The following RELN variants were observed in gnomAD, a reference collection of about 807,000 sequenced individuals.
RELN encodes reelin.
Under a neutral mutation model 427.6 loss-of-function variants are expected in RELN, and 108 were observed. The ratio of observed to expected loss-of-function variants is 0.25; its 90% CI spans 0.22 to 0.30. The LOEUF (loss-of-function observed/expected upper bound fraction) is 0.30. Ranked by LOEUF, RELN falls within the 10% of genes least tolerant of loss-of-function variation. RELN has a pLI of 1.00. For synonymous variants in RELN, 1,524 were observed against 1,513.4 expected, an observed-to-expected ratio of 1.01 and a Z score of -0.16; for missense variants, 3,715 against 4,302.8, an observed-to-expected ratio of 0.86 and a Z score of 3.82.
At chr7:103,906,762 T>C (rs946426828) in intron 2 of RELN, among the ~76,000 whole-genome samples, 1 of 152,186 alleles carries the variant, frequency 6.6e-6, no homozygotes, top group Non-Finnish European at 1.5e-5. Context: ...AAAAACATGA[T>C]ACAGTGGCCT....
intron 11 of RELN, among the ~76,000 whole-genome samples, chr7:103,669,756 T>A (rs890264725): frequency 6.6e-6 from 1 of 152,112 alleles, no homozygotes; most frequent in Non-Finnish European, 1.5e-5. Context: ...CCCAAGGAAA[T>A]GCAGTTCTAT....
At chr7:103,735,399 C>A (rs7797966) in intron 6 of RELN, among the ~76,000 whole-genome samples, 2,511 of 152,082 alleles carry the variant, frequency 0.017, 34 homozygotes, top group South Asian at 0.044. Context: ...TGAAAATATG[C>A]TCAACCACCC....
At chr7:103,790,311 T>C (rs1361981938) in intron 3 of RELN, among the ~76,000 whole-genome samples, 1 of 152,186 alleles carries the variant, frequency 6.6e-6, no homozygotes, top group Non-Finnish European at 1.5e-5. Flanking sequence ...TCTGCACATG[T>C]ATTCCAGAAC....
At chr7:103,528,107 C>G (rs1264976966) in intron 46 of RELN, among the ~76,000 whole-genome samples, 1 of 152,158 alleles carries the variant, frequency 6.6e-6, no homozygotes, top group African/African-American at 2.4e-5. Context: ...AAAACTTGCA[C>G]AGGAATGTCC....
intron 1 of RELN, among the ~76,000 whole-genome samples, chr7:103,941,388 T>C (rs1796111317): frequency 6.6e-6 from 1 of 152,188 alleles, no homozygotes; most frequent in African/African-American, 2.4e-5. Context: ...AAACCATTTC[T>C]TTCCTCTTAA....
intron 2 of RELN, among the ~76,000 whole-genome samples, chr7:103,846,641 A>G (rs942198813): frequency 6.6e-6 from 1 of 152,198 alleles, no homozygotes; most frequent in African/African-American, 2.4e-5. Flanking sequence ...TGAACAGACA[A>G]CCTACAAAGT....
chr7:103,667,571 TC>T (rs1367131364), intron 11 of RELN, among the ~76,000 whole-genome samples: 1 of 152,184 alleles, frequency 6.6e-6, no homozygotes, highest in African/African-American at 2.4e-5. Context: ...AATTTCTTCA[TC>T]CAAAGCTTAT....
chr7:103,727,253 T>C (rs1359233708), intron 7 of RELN, among the ~76,000 whole-genome samples: 2 of 151,898 alleles, frequency 1.3e-5, no homozygotes, highest in Non-Finnish European at 2.9e-5. Flanking sequence ...CTAGAAGCCC[T>C]CTGAAAGGGA....
chr7:103,896,655 T>C (rs369100611), intron 2 of RELN, among the ~76,000 whole-genome samples: 34 of 152,044 alleles, frequency 2.2e-4, no homozygotes, highest in African/African-American at 7.5e-4. Context: ...AGGGTAATGA[T>C]AGGGAAGGGC....
chr7:103,558,342 CT>C (rs1302340745), intron 36 of RELN, among the ~76,000 whole-genome samples: 1 of 152,074 alleles, frequency 6.6e-6, no homozygotes, highest in Non-Finnish European at 1.5e-5. Flanking sequence ...ATCTACAGGC[CT>C]TTTTTAAAAA....
chr7:103,679,081 T>C (rs187710689), intron 11 of RELN, among the ~76,000 whole-genome samples: 8 of 152,340 alleles, frequency 5.3e-5, no homozygotes, highest in Non-Finnish European at 8.8e-5. Flanking sequence ...AATCTGTGAC[T>C]AAAAATTATT....
At chr7:103,899,628 C>T (rs1358851341) in intron 2 of RELN, among the ~76,000 whole-genome samples, 2 of 152,284 alleles carry the variant, frequency 1.3e-5, no homozygotes, top group African/African-American at 4.8e-5. Context: ...GGATGCAAGG[C>T]TGGTTCAACA....
rs1193632741 is a variant in RELN at position 103,495,765 on chromosome 7, G to A, written c.9327C>T (p.Ser3109=). ...ATCCTGGCTGTATAATGAGTTCTCG[G>A]GAGGAGAGAGCATTGTGAGTCTTGT... is the stretch of plus-strand genomic sequence containing the variant. ...KKDKTHNALS[S]RELIIQPGYM... is the part of the protein sequence containing the mutation. Residue 3109 remains serine (S), a synonymous_variant, in exon 57 of 65, where the codon TCC becomes TCT. Transcript: ENST00000428762. 6.2e-7 allele frequency: 1 copy of A among 1,613,960 alleles called. No individual in the cohort carries two copies. Among genetic ancestry groups the A allele is most frequent in the Admixed American group, 1.7e-5 (1 of 60,014 alleles).
intron 2 of RELN, among the ~76,000 whole-genome samples, chr7:103,884,703 T>C (rs1396740858): frequency 6.6e-6 from 1 of 152,160 alleles, no homozygotes; most frequent in African/African-American, 2.4e-5. Flanking sequence ...CACTGGTCAT[T>C]AGAGAAATGC....
intron 3 of RELN, among the ~76,000 whole-genome samples, chr7:103,792,002 A>C (rs1168436687): frequency 6.6e-6 from 1 of 152,206 alleles, no homozygotes; most frequent in Non-Finnish European, 1.5e-5. Context: ...ATATTAGGGA[A>C]ATGCAATGAA....
At chr7:103,900,457 C>T (rs1483270945) in intron 2 of RELN, among the ~76,000 whole-genome samples, 1 of 151,990 alleles carries the variant, frequency 6.6e-6, no homozygotes, top group Admixed American at 6.6e-5. Context: ...CTTTAAAGTT[C>T]ATATGGAACA....
At chr7:103,750,111 C>T (rs2116068443) in intron 5 of RELN, among the ~76,000 whole-genome samples, 1 of 152,282 alleles carries the variant, frequency 6.6e-6, no homozygotes, top group East Asian at 1.9e-4. Flanking sequence ...TCCTGAGTAG[C>T]TGGGATTACA....
At chr7:103,721,513 T>C (rs1180454967) in intron 8 of RELN, among the ~76,000 whole-genome samples, 2 of 152,086 alleles carry the variant, frequency 1.3e-5, no homozygotes, top group African/African-American at 2.4e-5. Flanking sequence ...TTTCATCAAG[T>C]CTGTTGTAAT....
intron 9 of RELN, among the ~76,000 whole-genome samples, chr7:103,699,465 T>A (rs965714915): frequency 1.3e-5 from 2 of 152,152 alleles, no homozygotes; most frequent in Non-Finnish European, 2.9e-5. Context: ...TAAGGGAAAT[T>A]TGCATTGGTT....
Sources: gnomAD v4.1 joint callset for allele counts (sites outside exome capture counted in the v4.1 genomes callset) on GRCh38, gnomAD v4.1.1 for gene constraint, MANE v1.5 for transcripts, NCBI Gene and HGNC (gene_info 2026-07-23, HGNC 2026-07-21) for gene names.